LRRTM4: variants seen among roughly 807,000 people sequenced by gnomAD.
LRRTM4 encodes leucine rich repeat transmembrane neuronal 4, also known as leucine-rich repeat transmembrane neuronal protein 4.
LRRTM4 carries 25 observed loss-of-function variants against 47.6 expected under a neutral mutation model. That is an observed-to-expected ratio of 0.53 (90% confidence interval 0.38 to 0.73). LRRTM4 has a LOEUF of 0.73. Ranked by LOEUF, LRRTM4 falls within the 30% of genes least tolerant of loss-of-function variation. The pLI, the probability that LRRTM4 is intolerant of heterozygous loss-of-function variation, is 0.00. For synonymous variants in LRRTM4, 311 were observed against 269.5 expected (o/e 1.15, Z -1.51); for missense variants, 638 against 713.4 (o/e 0.89, Z 1.20).
intron 3 of LRRTM4, among the ~76,000 whole-genome samples, chr2:77,070,654 G>A (rs1171285390): frequency 1.3e-5 from 2 of 152,030 alleles, no homozygotes; most frequent in African/African-American, 4.8e-5. Context: ...TTTTGAGACA[G>A]AGTTTTGCTC....
intron 3 of LRRTM4, among the ~76,000 whole-genome samples, chr2:76,829,317 G>GA: frequency 6.6e-6 from 1 of 151,804 alleles, no homozygotes; most frequent in Non-Finnish European, 1.5e-5. Context: ...CTAGAAGTAG[G>GA]AAAAAAAGGG....
At chr2:77,291,138 G>T (rs985998522) in intron 3 of LRRTM4, among the ~76,000 whole-genome samples, 1 of 121,510 alleles carries the variant, frequency 8.2e-6, no homozygotes, top group East Asian at 3.0e-4. Context: ...AACTGTTTGA[G>T]ATTTTTATTA....
At chr2:76,936,873 T>G (rs1255325877) in intron 3 of LRRTM4, among the ~76,000 whole-genome samples, 5 of 136,488 alleles carry the variant, frequency 3.7e-5, no homozygotes, top group Non-Finnish European at 7.5e-5. Context: ...GAGAATCGCT[T>G]GAACCCAGGA....
intron 3 of LRRTM4, among the ~76,000 whole-genome samples, chr2:77,094,623 AC>A: frequency 6.6e-6 from 1 of 151,990 alleles, no homozygotes; most frequent in East Asian, 1.9e-4. Flanking sequence ...AAATAAACAA[AC>A]CCAAGTATTT....
chr2:76,887,251 T>C (rs1276008530), intron 3 of LRRTM4, among the ~76,000 whole-genome samples: 1 of 151,718 alleles, frequency 6.6e-6, no homozygotes, highest in African/African-American at 2.4e-5. Flanking sequence ...TATGTCAAAG[T>C]AGATTCAAGA....
chr2:77,256,106 C>G (rs1230443548), intron 3 of LRRTM4, among the ~76,000 whole-genome samples: 1 of 151,918 alleles, frequency 6.6e-6, no homozygotes, highest in Non-Finnish European at 1.5e-5. Flanking sequence ...TTTATAGTCT[C>G]TGTAAATATC....
At chr2:77,091,512 G>C (rs1330744056) in intron 3 of LRRTM4, among the ~76,000 whole-genome samples, 3 of 151,084 alleles carry the variant, frequency 2.0e-5, no homozygotes, top group African/African-American at 7.4e-5. Flanking sequence ...TTCAGGATCT[G>C]CGCCTTATCA....
intron 3 of LRRTM4, among the ~76,000 whole-genome samples, chr2:77,173,496 C>A (rs942157456): frequency 4.6e-5 from 7 of 152,210 alleles, no homozygotes; most frequent in Admixed American, 4.6e-4. Context: ...CCTGCCTGAG[C>A]CCTGAAGATT....
chr2:77,088,774 G>A (rs1680818379), intron 3 of LRRTM4, among the ~76,000 whole-genome samples: 1 of 152,038 alleles, frequency 6.6e-6, no homozygotes. Context: ...TACGACCTCA[G>A]GTCCTCAGAC....
Position 77,044,387 on chromosome 2 carries a change from C to A in LRRTM4, c.1552-295471G>T, listed in dbSNP as rs868770038. ...ATTACATCAAACAGTCCAAACATTACCTTCTATGGAAGCTCAAAAATGCTA... is the reference window on the plus strand; with the variant it reads ...ATTACATCAAACAGTCCAAACATTAACTTCTATGGAAGCTCAAAAATGCTA... On this transcript the variant is annotated intron_variant, in intron 3 of 3. Transcript: ENST00000409884. Among the ~76,000 whole-genome samples the A allele has an allele frequency of 5.3e-5, 8 of 151,824 alleles. No homozygotes were observed. In the East Asian group the frequency reaches 5.8e-4, roughly 11 times the overall value.
chr2:77,282,883 T>G (rs1033708794), intron 3 of LRRTM4, among the ~76,000 whole-genome samples: 1 of 151,916 alleles, frequency 6.6e-6, no homozygotes, highest in Non-Finnish European at 1.5e-5. Flanking sequence ...CCTCGAAATA[T>G]AAGAATCCTA....
At chr2:76,976,491 G>A (rs1197673310) in intron 3 of LRRTM4, among the ~76,000 whole-genome samples, 1 of 151,260 alleles carries the variant, frequency 6.6e-6, no homozygotes, top group Non-Finnish European at 1.5e-5. Context: ...CTTTTTATCA[G>A]TAGCCATTTA....
chr2:77,128,419 T>TAGATAGATAG (rs1558593999), intron 3 of LRRTM4, among the ~76,000 whole-genome samples: 1 of 149,510 alleles, frequency 6.7e-6, no homozygotes, highest in African/African-American at 2.5e-5. Context: ...GATAGATAGA[T>TAGATAGATAG]AGAGAAATGT....
At chr2:77,273,590 G>A (rs932109545) in intron 3 of LRRTM4, among the ~76,000 whole-genome samples, 18 of 152,128 alleles carry the variant, frequency 1.2e-4, no homozygotes, top group Non-Finnish European at 2.1e-4. Context: ...AATTTCAGAA[G>A]TTTCTGGGAA....
intron 3 of LRRTM4, among the ~76,000 whole-genome samples, chr2:76,903,023 A>G (rs1268844702): frequency 6.6e-6 from 1 of 152,162 alleles, no homozygotes; most frequent in African/African-American, 2.4e-5. Flanking sequence ...CAATTTCTCA[A>G]TTCATTAATA....
chr2:76,782,067 C>G (rs904286631), intron 3 of LRRTM4, among the ~76,000 whole-genome samples: 1 of 152,118 alleles, frequency 6.6e-6, no homozygotes, highest in Non-Finnish European at 1.5e-5. Context: ...CATAGAATGA[C>G]TTCATTTTTT....
chr2:77,309,167 C>T (rs1373925739), intron 3 of LRRTM4, among the ~76,000 whole-genome samples: 2 of 152,084 alleles, frequency 1.3e-5, no homozygotes, highest in Non-Finnish European at 2.9e-5. Flanking sequence ...CTCAGAAATG[C>T]AGACCCTGAA....
At chr2:77,222,969 G>T (rs1674687016) in intron 3 of LRRTM4, among the ~76,000 whole-genome samples, 1 of 152,050 alleles carries the variant, frequency 6.6e-6, no homozygotes, top group Admixed American at 6.6e-5. Flanking sequence ...TAAAATACTG[G>T]CAAACTGAAT....
chr2:77,329,048 A>C (rs1056794368), intron 3 of LRRTM4, among the ~76,000 whole-genome samples: 2 of 152,184 alleles, frequency 1.3e-5, no homozygotes, highest in African/African-American at 4.8e-5. Context: ...ATGGCTGCTG[A>C]ACATTGATAT....
Sources: gnomAD v4.1 joint callset for allele counts (sites outside exome capture counted in the v4.1 genomes callset) on GRCh38, gnomAD v4.1.1 for gene constraint, MANE v1.5 for transcripts, NCBI Gene and HGNC (gene_info 2026-07-23, HGNC 2026-07-21) for gene names.